The following AGMO variants were observed in gnomAD, a reference collection of about 807,000 sequenced individuals.
AGMO encodes glyceryl-ether monooxygenase.
Under a neutral mutation model 60.2 loss-of-function variants are expected in AGMO, and 75 were observed. The ratio of observed to expected loss-of-function variants is 1.25; its 90% CI spans 1.03 to 1.51. AGMO has a LOEUF of 1.51. Ranked by LOEUF, AGMO falls within the 40% of genes most tolerant of loss-of-function variation. The pLI is 0.00. For missense variants in AGMO, 763 were observed against 525.5 expected, an observed-to-expected ratio of 1.45 and a Z score of -4.42; for synonymous variants, 261 against 177.1, an observed-to-expected ratio of 1.47 and a Z score of -3.76.
chr7:15,372,605 G>A (rs551405053), intron 10 of AGMO, among the ~76,000 whole-genome samples: 1 of 151,872 alleles, frequency 6.6e-6, no homozygotes, highest in Non-Finnish European at 1.5e-5. Flanking sequence ...TTGCCCGTAA[G>A]ACCACTGGCC....
intron 12 of AGMO, among the ~76,000 whole-genome samples, chr7:15,213,402 C>G (rs1217727152): frequency 6.6e-6 from 1 of 151,342 alleles, no homozygotes; most frequent in Non-Finnish European, 1.5e-5. Flanking sequence ...ATTATCAGTT[C>G]TATTATGTGA....
At chr7:15,226,327 C>G in intron 12 of AGMO, among the ~76,000 whole-genome samples, 1 of 152,076 alleles carries the variant, frequency 6.6e-6, no homozygotes, top group East Asian at 1.9e-4. Flanking sequence ...TTCTGAATTA[C>G]AAGGACTCTG....
chr7:15,121,809 G>C, the AGMO span, among the ~76,000 whole-genome samples: 89 of 152,094 alleles, frequency 5.9e-4, 1 homozygote, highest in South Asian at 0.012. Flanking sequence ...AACAAGCAAC[G>C]GGGAAAGGAT....
chr7:15,460,410 CATACTTA>C (rs1782115105), intron 3 of AGMO, among the ~76,000 whole-genome samples: 1 of 152,064 alleles, frequency 6.6e-6, no homozygotes, highest in Admixed American at 6.5e-5. Context: ...AAATTTTTCA[CATACTTA>C]ATATCTGCAA....
intron 12 of AGMO, among the ~76,000 whole-genome samples, chr7:15,243,392 GTT>G (rs557368804): frequency 6.7e-6 from 1 of 148,586 alleles, no homozygotes. Context: ...TGAGCTAGAT[GTT>G]TTTTTTTTAC....
intron 12 of AGMO, among the ~76,000 whole-genome samples, chr7:15,338,565 A>G (rs1451104472): frequency 6.6e-6 from 1 of 152,180 alleles, no homozygotes; most frequent in Non-Finnish European, 1.5e-5. Context: ...CTGTTCAGGT[A>G]CTGGGAGACC....
chr7:15,461,282 A>G (rs1782134274), intron 3 of AGMO, among the ~76,000 whole-genome samples: 3 of 151,918 alleles, frequency 2.0e-5, no homozygotes, highest in Admixed American at 2.0e-4. Context: ...TAAATATTCC[A>G]TATTTAACCT....
At position 15,476,385 on chromosome 7, in the gene AGMO, T is replaced by C. The variant is rs183250413; in HGVS notation, c.410-45277A>G. ...TCATGAAAAATTCAGTCTTTGAAGA[T>C]ATTCTTTCCATGGAATGCTTCTTCA... On this transcript the variant is annotated intron_variant, in intron 3 of 12. Transcript: ENST00000342526. Among the ~76,000 whole-genome samples, 201 of 152,212 alleles carry C rather than the reference T, an allele frequency of 1.3e-3. 1 individual carries two copies. Among genetic ancestry groups the C allele is most frequent in the Non-Finnish European group, 2.2e-3 (151 of 67,982 alleles).
intron 12 of AGMO, among the ~76,000 whole-genome samples, chr7:15,266,666 T>C (rs912729208): frequency 1.1e-4 from 17 of 152,050 alleles, no homozygotes; most frequent in African/African-American, 3.6e-4. Context: ...TTATTTAATG[T>C]AGGGAGCTTT....
At chr7:15,145,261 G>C in the AGMO span, among the ~76,000 whole-genome samples, 1 of 151,986 alleles carries the variant, frequency 6.6e-6, no homozygotes, top group Non-Finnish European at 1.5e-5. Flanking sequence ...CCTACTAATA[G>C]TATTTGAAAA....
At chr7:15,537,452 ATAAG>A (rs1310110363) in intron 3 of AGMO, among the ~76,000 whole-genome samples, 1 of 152,212 alleles carries the variant, frequency 6.6e-6, no homozygotes, top group African/African-American at 2.4e-5. Context: ...TAAAAAAATC[ATAAG>A]TAAGTTAAAG....
chr7:15,246,761 C>G (rs1224531093), intron 12 of AGMO, among the ~76,000 whole-genome samples: 1 of 152,120 alleles, frequency 6.6e-6, no homozygotes, highest in Non-Finnish European at 1.5e-5. Flanking sequence ...CTAAGATTCT[C>G]TCAACCTCCC....
chr7:15,374,954 G>C (rs1002453477), intron 10 of AGMO, among the ~76,000 whole-genome samples: 25 of 152,064 alleles, frequency 1.6e-4, no homozygotes, highest in Admixed American at 2.6e-4. Context: ...GGCAAAAAAG[G>C]ATCAGAGTTA....
chr7:15,120,532 TAGA>T, the AGMO span, among the ~76,000 whole-genome samples: 4 of 152,226 alleles, frequency 2.6e-5, no homozygotes, highest in Admixed American at 1.3e-4. Flanking sequence ...TTAGTGTCCT[TAGA>T]AGAAGGAAGA....
intron 3 of AGMO, among the ~76,000 whole-genome samples, chr7:15,490,622 C>T (rs1783045553): frequency 6.6e-6 from 1 of 151,944 alleles, no homozygotes; most frequent in African/African-American, 2.4e-5. Flanking sequence ...AGTGCAATTA[C>T]CAATGAAAAA....
chr7:15,117,579 C>G, the AGMO span, among the ~76,000 whole-genome samples: 1 of 151,856 alleles, frequency 6.6e-6, no homozygotes, highest in African/African-American at 2.4e-5. Context: ...GTACACTGTT[C>G]AGTATTTGGG....
chr7:15,388,990 C>A (rs181068674), intron 8 of AGMO, among the ~76,000 whole-genome samples: 12 of 152,260 alleles, frequency 7.9e-5, no homozygotes, highest in African/African-American at 2.9e-4. Context: ...GATTTTCTGA[C>A]CACCATTCCT....
intron 12 of AGMO, among the ~76,000 whole-genome samples, chr7:15,241,454 C>A (rs1225143398): frequency 2.2e-5 from 2 of 90,200 alleles, no homozygotes; most frequent in African/African-American, 9.1e-5. Flanking sequence ...AGTGAGACTC[C>A]GTCTCAAAAA....
At chr7:15,358,370 G>C in intron 12 of AGMO, 1 of 469,258 alleles carries the variant, frequency 2.1e-6, no homozygotes, top group South Asian at 1.6e-5. Flanking sequence ...CTGCCCAGAC[G>C]AGATGATAAC....
Sources: gnomAD v4.1 joint callset for allele counts (sites outside exome capture counted in the v4.1 genomes callset) on GRCh38, gnomAD v4.1.1 for gene constraint, MANE v1.5 for transcripts, NCBI Gene and HGNC (gene_info 2026-07-23, HGNC 2026-07-21) for gene names.